ZNF804B: variants seen among roughly 807,000 people sequenced by gnomAD.
ZNF804B encodes the protein zinc finger 804B.
ZNF804B carries 80 observed loss-of-function variants against 101.4 expected under a neutral mutation model. The observed-to-expected ratio is 0.79, with a 90% CI of 0.66 to 0.95. ZNF804B has a LOEUF of 0.95. ZNF804B is among the 40% of genes least tolerant of loss of function. ZNF804B has a pLI of 0.00. For missense variants in ZNF804B, 1,673 were observed against 1,561.9 expected (o/e 1.07, Z -1.20); for synonymous variants, 622 against 558.8 (o/e 1.11, Z -1.59).
At chr7:89,075,579 G>A (rs182386391) in intron 1 of ZNF804B, among the ~76,000 whole-genome samples, 5 of 152,328 alleles carry the variant, frequency 3.3e-5, no homozygotes, top group Admixed American at 2.6e-4. Flanking sequence ...TGCTGCAGGG[G>A]TGGAGCTCTC....
chr7:89,084,759 A>G (rs1446443410), intron 1 of ZNF804B, among the ~76,000 whole-genome samples: 1 of 151,980 alleles, frequency 6.6e-6, no homozygotes. Context: ...ATAGATATAA[A>G]ACAAACCATC....
At chr7:89,010,125 C>T (rs1788433010) in intron 1 of ZNF804B, among the ~76,000 whole-genome samples, 1 of 152,072 alleles carries the variant, frequency 6.6e-6, no homozygotes, top group African/African-American at 2.4e-5. Context: ...TTTCTTGGAC[C>T]TTTGGAACAA....
At chr7:89,108,140 C>A (rs1583990715) in intron 1 of ZNF804B, among the ~76,000 whole-genome samples, 2 of 151,888 alleles carry the variant, frequency 1.3e-5, no homozygotes, top group East Asian at 3.9e-4. Flanking sequence ...TAGGCAAAAA[C>A]AACTTAAGAT....
intron 1 of ZNF804B, among the ~76,000 whole-genome samples, chr7:88,853,509 T>C (rs1000852027): frequency 4.6e-5 from 7 of 152,150 alleles, no homozygotes; most frequent in Non-Finnish European, 1.0e-4. Context: ...CATTGAAAGA[T>C]AGCTGGATTA....
At chr7:88,981,717 G>A (rs530974174) in intron 1 of ZNF804B, among the ~76,000 whole-genome samples, 9 of 151,918 alleles carry the variant, frequency 5.9e-5, no homozygotes, top group Non-Finnish European at 1.0e-4. Flanking sequence ...CTTCCTCCAT[G>A]GACGCCACCT....
At chr7:89,142,233 C>T (rs1216367327) in intron 1 of ZNF804B, among the ~76,000 whole-genome samples, 1 of 151,678 alleles carries the variant, frequency 6.6e-6, no homozygotes, top group African/African-American at 2.4e-5. Flanking sequence ...AAGAAGGATT[C>T]TCTGGTGAAG....
At chr7:89,213,920 A>G (rs1788844306) in intron 1 of ZNF804B, among the ~76,000 whole-genome samples, 1 of 152,234 alleles carries the variant, frequency 6.6e-6, no homozygotes, top group Admixed American at 6.5e-5. Context: ...GTTCATGAGG[A>G]GTTAATGTGT....
chr7:89,008,466 C>T (rs756749), intron 1 of ZNF804B, among the ~76,000 whole-genome samples: 78,736 of 151,944 alleles, frequency 0.52, 21,374 homozygotes, highest in Middle Eastern at 0.64. Flanking sequence ...CTGAGAAAGA[C>T]AAAGAGCTGT....
At chr7:89,198,625 C>G (rs1442258997) in intron 1 of ZNF804B, among the ~76,000 whole-genome samples, 1 of 151,860 alleles carries the variant, frequency 6.6e-6, no homozygotes. Context: ...AGTGATTAAA[C>G]ATTATTTATT....
At chr7:89,311,927 T>C (rs1241373493) in intron 2 of ZNF804B, among the ~76,000 whole-genome samples, 15 of 152,170 alleles carry the variant, frequency 9.9e-5, no homozygotes, top group Admixed American at 9.8e-4. Flanking sequence ...TAAAAGTTCA[T>C]GCTTTGTACC....
At chr7:89,304,303 T>G (rs1790527467) in intron 2 of ZNF804B, among the ~76,000 whole-genome samples, 2 of 151,878 alleles carry the variant, frequency 1.3e-5, no homozygotes, top group African/African-American at 2.4e-5. Context: ...CCTCCAGTAT[T>G]TTTCCATTAG....
intron 1 of ZNF804B, among the ~76,000 whole-genome samples, chr7:89,144,851 G>T (rs1054332425): frequency 4.0e-5 from 6 of 151,814 alleles, no homozygotes; most frequent in South Asian, 2.1e-4. Flanking sequence ...TTTAGGCTGG[G>T]TGCCTATAAT....
At chr7:88,844,226 T>A (rs982887988) in intron 1 of ZNF804B, among the ~76,000 whole-genome samples, 1 of 152,222 alleles carries the variant, frequency 6.6e-6, no homozygotes, top group Non-Finnish European at 1.5e-5. Context: ...AAATGTTAAC[T>A]AAATTTCCTT....
intron 1 of ZNF804B, among the ~76,000 whole-genome samples, chr7:88,865,088 C>T (rs1445924779): frequency 1.3e-5 from 2 of 151,848 alleles, no homozygotes; most frequent in African/African-American, 4.8e-5. Flanking sequence ...ATTAGACAGG[C>T]GTGGTGACCC....
chr7:89,331,869 A>G (rs1254108913), intron 3 of ZNF804B, among the ~76,000 whole-genome samples: 2 of 151,586 alleles, frequency 1.3e-5, no homozygotes, highest in African/African-American at 4.8e-5. Context: ...AAAGGAAGCA[A>G]TAATCAGATA....
intron 1 of ZNF804B, among the ~76,000 whole-genome samples, chr7:88,892,693 C>G (rs1792231148): frequency 1.3e-5 from 2 of 152,082 alleles, no homozygotes; most frequent in Non-Finnish European, 1.5e-5. Flanking sequence ...CAACTTCTCC[C>G]TCTCATCTCC....
intron 1 of ZNF804B, among the ~76,000 whole-genome samples, chr7:88,810,130 T>G (rs1327245931): frequency 6.6e-6 from 1 of 152,138 alleles, no homozygotes; most frequent in Non-Finnish European, 1.5e-5. Context: ...CGTACAGATG[T>G]GTTTAGTTTG....
chr7:89,336,827 C>A lies in ZNF804B; in HGVS notation c.3845C>A (p.Thr1282Lys). 2.5e-6 allele frequency: 4 copies of A among 1,614,096 alleles called. No homozygotes were observed. Among genetic ancestry groups the A allele is most frequent in the Non-Finnish European group, 3.4e-6 (4 of 1,179,980 alleles). The change falls in exon 4 of 4, where the codon ACA (threonine) becomes AAA (lysine). Residue 1282 changes from threonine (T) to lysine (K), a missense_variant. Transcript: ENST00000333190. ...AATPFHPSHI[T>K]LQPLPPTAFI... ...ACCCCCTTCCACCCATCTCACATAA[C>A]ACTTCAGCCTCTGCCCCCTACAGCA...
At chr7:89,053,054 A>G (rs1045750555) in intron 1 of ZNF804B, among the ~76,000 whole-genome samples, 12 of 152,326 alleles carry the variant, frequency 7.9e-5, no homozygotes, top group African/African-American at 2.6e-4. Context: ...CTCTTGATAC[A>G]TACAATTTAA....
Sources: allele counts gnomAD v4.1 joint callset (sites outside exome capture counted in the v4.1 genomes callset), GRCh38; gene constraint gnomAD v4.1.1; transcripts MANE v1.5; gene names NCBI Gene and HGNC (gene_info 2026-07-23, HGNC 2026-07-21).